Variants in TNFSF4 observed in about 807,000 individuals in gnomAD.
TNFSF4 encodes the protein TNF superfamily member 4, also known as tumor necrosis factor ligand superfamily member 4.
In TNFSF4, 4 loss-of-function variants were observed where a neutral mutation model predicts 7.3. That is an observed-to-expected ratio of 0.55 (90% CI 0.27 to 1.25). The LOEUF (loss-of-function observed/expected upper bound fraction) is 1.25. TNFSF4 is among the 50% of genes most tolerant of loss of function. TNFSF4 has a pLI of 0.12. For missense variants in TNFSF4, 181 were observed against 208.8 expected, an observed-to-expected ratio of 0.87 and a Z score of 0.82; for synonymous variants, 76 against 83.7, an observed-to-expected ratio of 0.91 and a Z score of 0.50.
the TNFSF4 span, among the ~76,000 whole-genome samples, chr1:173,283,848 G>A: frequency 6.6e-6 from 1 of 150,628 alleles, no homozygotes; most frequent in African/African-American, 2.4e-5. Flanking sequence ...CCAAAGCAAA[G>A]GAATGACAAT....
chr1:173,364,376 T>C, the TNFSF4 span, among the ~76,000 whole-genome samples: 33 of 134,858 alleles, frequency 2.4e-4, no homozygotes, highest in Non-Finnish European at 4.2e-4. Flanking sequence ...TATTGGGGTG[T>C]ATGTGTATAT....
At chr1:173,322,453 A>G in the TNFSF4 span, among the ~76,000 whole-genome samples, 8 of 152,182 alleles carry the variant, frequency 5.3e-5, no homozygotes, top group African/African-American at 1.7e-4. Context: ...TACACCTCCC[A>G]GCATGAGCAA....
chr1:173,305,740 G>A, the TNFSF4 span, among the ~76,000 whole-genome samples: 1 of 151,446 alleles, frequency 6.6e-6, no homozygotes, highest in Non-Finnish European at 1.5e-5. Flanking sequence ...CACATGGCTG[G>A]GGAGGCCTCA....
the TNFSF4 span, among the ~76,000 whole-genome samples, chr1:173,411,498 A>G: frequency 6.6e-6 from 1 of 152,238 alleles, no homozygotes; most frequent in African/African-American, 2.4e-5. Context: ...TCAATAAAAT[A>G]TTTGATCAAG....
the TNFSF4 span, among the ~76,000 whole-genome samples, chr1:173,268,474 G>A: frequency 5.3e-5 from 8 of 151,926 alleles, no homozygotes; most frequent in Non-Finnish European, 7.4e-5. Flanking sequence ...CGTAGGCTAA[G>A]GTAAGTTATG....
chr1:173,206,463 T>C (rs530786798), intron 1 of TNFSF4, among the ~76,000 whole-genome samples: 2 of 152,312 alleles, frequency 1.3e-5, no homozygotes, highest in African/African-American at 4.8e-5. Flanking sequence ...AGAGATAGAT[T>C]GTGAGAAACA....
At chr1:173,345,674 G>T in the TNFSF4 span, among the ~76,000 whole-genome samples, 1 of 152,230 alleles carries the variant, frequency 6.6e-6, no homozygotes, top group Non-Finnish European at 1.5e-5. Flanking sequence ...ATTCTTGAAA[G>T]ATGGACTAAA....
the TNFSF4 span, among the ~76,000 whole-genome samples, chr1:173,336,881 C>T: frequency 6.6e-6 from 1 of 151,778 alleles, no homozygotes; most frequent in Non-Finnish European, 1.5e-5. Context: ...GCTGCTCCTA[C>T]CACCAAAAAA....
chr1:173,360,269 A>C, the TNFSF4 span, among the ~76,000 whole-genome samples: 1 of 152,208 alleles, frequency 6.6e-6, no homozygotes, highest in Non-Finnish European at 1.5e-5. Flanking sequence ...CTGGCTTCCC[A>C]TTCTCCTGGA....
chr1:173,415,600 T>C, the TNFSF4 span, among the ~76,000 whole-genome samples: 2 of 152,222 alleles, frequency 1.3e-5, no homozygotes, highest in Non-Finnish European at 2.9e-5. Flanking sequence ...GGACAAACAC[T>C]GGATAATTAT....
chr1:173,375,486 C>CAAG, the TNFSF4 span, among the ~76,000 whole-genome samples: 1 of 152,194 alleles, frequency 6.6e-6, no homozygotes, highest in Admixed American at 6.5e-5. Context: ...TTCTGTCTTA[C>CAAG]AAGAGGATTG....
chr1:173,351,907 A>G, the TNFSF4 span: 1 of 567,576 alleles, frequency 1.8e-6, no homozygotes, highest in Non-Finnish European at 3.3e-6. Context: ...CTAAAACTGG[A>G]CAAAGACCGC....
At chr1:173,233,108 A>C in the TNFSF4 span, among the ~76,000 whole-genome samples, 1 of 152,198 alleles carries the variant, frequency 6.6e-6, no homozygotes, top group Non-Finnish European at 1.5e-5. Context: ...TGGCTAACTG[A>C]ATAACCAGTG....
the TNFSF4 span, among the ~76,000 whole-genome samples, chr1:173,376,728 G>A: frequency 7.9e-5 from 12 of 152,300 alleles, no homozygotes; most frequent in Admixed American, 7.2e-4. Context: ...AATAAAAGCT[G>A]GCCTCCTGAG....
chr1:173,421,731 G>C, the TNFSF4 span, among the ~76,000 whole-genome samples: 196 of 150,564 alleles, frequency 1.3e-3, 4 homozygotes, highest in East Asian at 0.034. Context: ...TCATATTTTT[G>C]TAACTATTTC....
At chr1:173,433,978 T>C in the TNFSF4 span, among the ~76,000 whole-genome samples, 1 of 152,128 alleles carries the variant, frequency 6.6e-6, no homozygotes, top group African/African-American at 2.4e-5. Context: ...GAATGCCAAG[T>C]GAAGATGAGT....
chr1:173,450,035 C>T, the TNFSF4 span, among the ~76,000 whole-genome samples: 2 of 151,976 alleles, frequency 1.3e-5, no homozygotes, highest in Non-Finnish European at 2.9e-5. Flanking sequence ...AAACCTCTAG[C>T]CTGGATGACC....
the TNFSF4 span, among the ~76,000 whole-genome samples, chr1:173,328,835 A>T: frequency 1.3e-5 from 2 of 152,222 alleles, no homozygotes; most frequent in African/African-American, 4.8e-5. Context: ...AATTTAAATC[A>T]AATTAGAAAC....
At chr1:173,341,898 C>G in the TNFSF4 span, among the ~76,000 whole-genome samples, 11 of 152,130 alleles carry the variant, frequency 7.2e-5, no homozygotes, top group East Asian at 1.9e-4. Context: ...CCTGAAGATG[C>G]CTTTCACCCC....
Sources: gnomAD v4.1 joint callset for allele counts (sites outside exome capture counted in the v4.1 genomes callset) on GRCh38, gnomAD v4.1.1 for gene constraint, MANE v1.5 for transcripts, NCBI Gene and HGNC (gene_info 2026-07-23, HGNC 2026-07-21) for gene names.